The following NEK10 variants were observed in gnomAD, a reference collection of about 807,000 sequenced individuals.
NEK10 encodes serine/threonine-protein kinase Nek10.
A neutral mutation model predicts 159.8 loss-of-function variants in NEK10; 122 were observed. That is an observed-to-expected ratio of 0.76 (90% CI 0.66 to 0.89). The LOEUF (loss-of-function observed/expected upper bound fraction) is 0.89. Ranked by LOEUF, NEK10 falls within the 40% of genes least tolerant of loss-of-function variation. The pLI is 0.00. For missense variants in NEK10, 1,342 were observed against 1,323.1 expected (o/e 1.01, Z -0.22); for synonymous variants, 466 against 457.1 (o/e 1.02, Z -0.25).
At chr3:27,150,169 TA>T (rs1944691509) in intron 30 of NEK10, among the ~76,000 whole-genome samples, 1 of 152,100 alleles carries the variant, frequency 6.6e-6, no homozygotes, top group Non-Finnish European at 1.5e-5. Flanking sequence ...TTCCATAACA[TA>T]AAAGTACAAG....
rs1430566058 is a variant in NEK10 at position 27,106,952 on chromosome 3, T to C, written c.*4320A>G. 6.6e-6 allele frequency among the ~76,000 whole-genome samples: 1 copy of C among 152,172 alleles called. No homozygotes were observed. Among genetic ancestry groups the C allele is most frequent in the Non-Finnish European group, 1.5e-5 (1 of 68,036 alleles). On this transcript the variant is annotated 3_prime_UTR_variant, in exon 36 of 36. Transcript: ENST00000691995. ...CGCTAAATACAGTAGCTGGGGCCAG[T>C]GCACATCTTCACAGTACAAAAGGAA...
intron 30 of NEK10, among the ~76,000 whole-genome samples, chr3:27,151,622 C>T (rs1206157763): frequency 6.6e-6 from 1 of 152,146 alleles, no homozygotes; most frequent in Non-Finnish European, 1.5e-5. Context: ...AAAAATCACA[C>T]TTGTTCACCA....
At chr3:27,116,180 T>C (rs1940400280) in intron 33 of NEK10, 53 bp from the exon 34 acceptor site, 1 of 1,550,804 alleles carries the variant, frequency 6.4e-7, no homozygotes, top group South Asian at 1.1e-5. Flanking sequence ...ATTTTCTTAG[T>C]TATTCTTTAC....
rs569863778 is a variant in NEK10 at position 27,284,032 on chromosome 3, T to C, written c.2014+570A>G. 1.2e-4 allele frequency among the ~76,000 whole-genome samples: 18 copies of C among 152,334 alleles called. No homozygotes were observed. In the East Asian group the frequency reaches 2.9e-3, roughly 25 times the overall value. ...AAAATATAGCTCAGTCATTTAGAAC[T>C]ATACTAGTCACTGTCCAACATGGTA... On this transcript the variant is annotated intron_variant, in intron 22 of 35. Transcript: ENST00000691995.
chr3:27,174,364 C>T, intron 28 of NEK10, 75 bp downstream of exon 28: 1 of 1,599,056 alleles, frequency 6.3e-7, no homozygotes, highest in Non-Finnish European at 8.5e-7. Flanking sequence ...GTGATATTTG[C>T]TTGACTCAAG....
At chr3:27,274,216 C>G (rs933897811) in intron 22 of NEK10, among the ~76,000 whole-genome samples, 3 of 152,258 alleles carry the variant, frequency 2.0e-5, no homozygotes, top group Non-Finnish European at 2.9e-5. Flanking sequence ...AGGGAAGGAA[C>G]TTCTGTTTCT....
chr3:27,108,919 G>C lies in NEK10; in HGVS notation c.*2353C>G, dbSNP rs1939242325. Among the ~76,000 whole-genome samples, 1 of 152,192 alleles carries C rather than the reference G, an allele frequency of 6.6e-6. No individual in the cohort carries two copies. The highest frequency in any genetic ancestry group is 6.5e-5 in the Admixed American group (1 of 15,268). ...AAATATAGACTCAGTGATTGTGGTA[G>C]TTTAGGGAGAATTCAAATAGAGCAT... On this transcript the variant is annotated 3_prime_UTR_variant, in exon 36 of 36. Transcript: ENST00000691995.
intron 23 of NEK10, among the ~76,000 whole-genome samples, chr3:27,232,265 A>G (rs1373861117): frequency 6.6e-6 from 1 of 151,954 alleles, no homozygotes; most frequent in Non-Finnish European, 1.5e-5. Context: ...GCTACACACC[A>G]AGAATGACCA....
chr3:27,240,179 C>T (rs935076014), intron 23 of NEK10, among the ~76,000 whole-genome samples: 11 of 152,268 alleles, frequency 7.2e-5, no homozygotes, highest in African/African-American at 2.6e-4. Context: ...AGTGATTACA[C>T]TCCAGTCATC....
intron 23 of NEK10, among the ~76,000 whole-genome samples, chr3:27,204,280 T>C (rs1248763290): frequency 1.7e-5 from 2 of 120,610 alleles, no homozygotes; most frequent in African/African-American, 3.5e-5. Context: ...ATTTTCTTTT[T>C]TTTTTTTTTT....
chr3:27,200,515 C>T (rs889462793), intron 25 of NEK10, among the ~76,000 whole-genome samples: 5 of 152,130 alleles, frequency 3.3e-5, no homozygotes, highest in African/African-American at 7.2e-5. Context: ...GCCAGATACA[C>T]GAGTCATTTA....
At chr3:27,264,565 C>T (rs188075774) in intron 22 of NEK10, among the ~76,000 whole-genome samples, 2 of 152,244 alleles carry the variant, frequency 1.3e-5, no homozygotes, top group East Asian at 1.9e-4. Context: ...CAAACATGCA[C>T]ATATAGCCCC....
At chr3:27,248,970 G>A (rs1031455834) in intron 23 of NEK10, among the ~76,000 whole-genome samples, 2 of 152,106 alleles carry the variant, frequency 1.3e-5, no homozygotes, top group Non-Finnish European at 2.9e-5. Context: ...AGCTATTATT[G>A]TTGATAATGG....
Position 27,291,244 on chromosome 3 carries a change from C to A in NEK10, c.1605+18G>T. On this transcript the variant is annotated intron_variant, in intron 18 of 35. Transcript: ENST00000691995. ...TTTGGTTGGGAGTATCAGAAATGTT[C>A]CCCAAGGGGAAAGTCACCTTGTAAA... The A allele has an allele frequency of 6.2e-7, 1 of 1,606,530 alleles. No individual in the cohort carries two copies. The highest frequency in any genetic ancestry group is 1.1e-5 in the South Asian group (1 of 88,938).
intron 23 of NEK10, among the ~76,000 whole-genome samples, chr3:27,237,074 A>G (rs1461351215): frequency 6.6e-6 from 1 of 152,154 alleles, no homozygotes; most frequent in Non-Finnish European, 1.5e-5. Flanking sequence ...TTGCCGGGAA[A>G]AGAATTCAGC....
chr3:27,167,897 T>C (rs1324493375), intron 29 of NEK10, among the ~76,000 whole-genome samples: 1 of 152,216 alleles, frequency 6.6e-6, no homozygotes, highest in Non-Finnish European at 1.5e-5. Flanking sequence ...CTATCCCTCC[T>C]AGTTCCATTT....
chr3:27,218,958 C>CAT (rs1358654660), intron 23 of NEK10, among the ~76,000 whole-genome samples: 2 of 152,346 alleles, frequency 1.3e-5, no homozygotes, highest in East Asian at 1.9e-4. Context: ...GAAAAACACA[C>CAT]ATATACATAC....
In NEK10 at chr3:27,174,448, AT is replaced by A. The variant is rs1476553508; in HGVS notation, c.2766del (p.Glu922AspfsTer7). The part of the protein sequence containing the change: ...SSSSSSSPLK[E>X]STFNILKRSF... ...ATAACAGAAAGCTTACTGAATGTAGATTCTTTCAGAGGGCTTGAACTGGAGC... is the reference window on the plus strand; with the variant it reads ...ATAACAGAAAGCTTACTGAATGTAGATCTTTCAGAGGGCTTGAACTGGAGC... On this transcript the variant is annotated frameshift_variant, in exon 28 of 36. Coordinates refer to ENST00000691995, the MANE Select transcript of NEK10 (RefSeq NM_001394966.1). LOFTEE classifies it high-confidence loss of function. 1 of 1,610,192 alleles carries A rather than the reference AT, an allele frequency of 6.2e-7. No homozygotes were observed. Among genetic ancestry groups the A allele is most frequent in the Non-Finnish European group, 8.5e-7 (1 of 1,179,432 alleles).
chr3:27,292,784 A>G (rs910518780), intron 16 of NEK10, among the ~76,000 whole-genome samples: 31 of 151,956 alleles, frequency 2.0e-4, no homozygotes, highest in East Asian at 3.9e-4. Context: ...AAAAAAAAAA[A>G]AGAGAACTAA....
Sources: allele counts gnomAD v4.1 joint callset (sites outside exome capture counted in the v4.1 genomes callset), GRCh38; gene constraint gnomAD v4.1.1; transcripts MANE v1.5; gene names NCBI Gene and HGNC (gene_info 2026-07-23, HGNC 2026-07-21).